Variants in TSPAN5 observed in about 807,000 individuals in gnomAD.
The protein encoded by TSPAN5 is tetraspanin-5.
In TSPAN5, 10 loss-of-function variants were observed where a neutral mutation model predicts 37.1. The ratio of observed to expected loss-of-function variants is 0.27; its 90% CI spans 0.17 to 0.46. The LOEUF is 0.46. Ranked by LOEUF, TSPAN5 falls within the 20% of genes least tolerant of loss-of-function variation. TSPAN5 has a pLI of 1.00. For missense variants in TSPAN5, 195 were observed against 326.6 expected (o/e 0.60, Z 3.11); for synonymous variants, 110 against 118.9 (o/e 0.93, Z 0.48).
At chr4:98,544,935 C>G (rs77617376) in intron 1 of TSPAN5, among the ~76,000 whole-genome samples, 2 of 152,288 alleles carry the variant, frequency 1.3e-5, no homozygotes, top group African/African-American at 4.8e-5. Flanking sequence ...TGATGGGCAT[C>G]TGCTGAGATG....
At chr4:98,652,409 T>C (rs1175740434) in intron 1 of TSPAN5, among the ~76,000 whole-genome samples, 1 of 152,252 alleles carries the variant, frequency 6.6e-6, no homozygotes, top group African/African-American at 2.4e-5. Flanking sequence ...ACCATATTCT[T>C]GAAGAACATT....
chr4:98,506,013 G>C (rs796336949), intron 2 of TSPAN5, among the ~76,000 whole-genome samples: 13 of 152,310 alleles, frequency 8.5e-5, no homozygotes, highest in African/African-American at 3.1e-4. Context: ...TATCAGAGAA[G>C]AGACATTTGA....
At chr4:98,568,368 C>T (rs1755053070) in intron 1 of TSPAN5, among the ~76,000 whole-genome samples, 1 of 152,154 alleles carries the variant, frequency 6.6e-6, no homozygotes, top group Non-Finnish European at 1.5e-5. Context: ...AGGTGAAACC[C>T]TATCTCTACT....
intron 1 of TSPAN5, among the ~76,000 whole-genome samples, chr4:98,631,049 C>T (rs1756734742): frequency 6.6e-6 from 1 of 152,100 alleles, no homozygotes; most frequent in South Asian, 2.1e-4. Context: ...CACAAGATGC[C>T]AGAACTTGAA....
At chr4:98,566,365 G>A (rs1369857636) in intron 1 of TSPAN5, among the ~76,000 whole-genome samples, 15 of 151,918 alleles carry the variant, frequency 9.9e-5, no homozygotes, top group Non-Finnish European at 5.9e-5. Flanking sequence ...GTGGGGAAAT[G>A]AGGGATGCAT....
chr4:98,635,251 C>T lies in TSPAN5; in HGVS notation c.81+22895G>A, dbSNP rs567893120. On this transcript the variant is annotated intron_variant, in intron 1 of 7. Transcript: ENST00000305798. ...TTCCAGAAGCCAGGCCCTGGCAAAG[C>T]TTGGGATAAAACCCCCTTAAGGTCC... Among the ~76,000 whole-genome samples, 34 of 152,318 alleles carry T rather than the reference C, an allele frequency of 2.2e-4. 1 individual carries two copies. In the South Asian group the frequency reaches 4.3e-3, roughly 19 times the overall value.
intron 1 of TSPAN5, among the ~76,000 whole-genome samples, chr4:98,577,534 G>A (rs1162910513): frequency 6.6e-6 from 1 of 152,172 alleles, no homozygotes; most frequent in East Asian, 1.9e-4. Context: ...AACTTTACCT[G>A]TGGTACCTAT....
intron 4 of TSPAN5, among the ~76,000 whole-genome samples, chr4:98,480,500 G>C (rs1047782647): frequency 6.6e-6 from 1 of 152,174 alleles, no homozygotes; most frequent in African/African-American, 2.4e-5. Flanking sequence ...ACTTCCCTGG[G>C]ATGCACTTTC....
chr4:98,513,822 T>C (rs942669448), intron 1 of TSPAN5, among the ~76,000 whole-genome samples: 2 of 152,062 alleles, frequency 1.3e-5, no homozygotes, highest in Non-Finnish European at 2.9e-5. Flanking sequence ...AATATACATA[T>C]ATTTCCAACA....
chr4:98,503,794 A>G (rs1753411259), intron 2 of TSPAN5, among the ~76,000 whole-genome samples: 1 of 152,238 alleles, frequency 6.6e-6, no homozygotes, highest in Admixed American at 6.5e-5. Flanking sequence ...AGCCCTGCCC[A>G]TGCTATGTGC....
intron 2 of TSPAN5, among the ~76,000 whole-genome samples, chr4:98,491,727 C>G (rs1417987027): frequency 1.3e-5 from 2 of 150,712 alleles, no homozygotes; most frequent in Admixed American, 6.6e-5. Flanking sequence ...ATCCTGACAA[C>G]AGTGATTTGG....
chr4:98,574,783 C>G (rs1050937458), intron 1 of TSPAN5: 1 of 152,294 alleles, frequency 6.6e-6, no homozygotes, highest in African/African-American at 2.4e-5. Flanking sequence ...ACCTGATCCC[C>G]AACAGACACA....
chr4:98,610,106 G>T (rs1756145705), intron 1 of TSPAN5, among the ~76,000 whole-genome samples: 1 of 152,196 alleles, frequency 6.6e-6, no homozygotes, highest in African/African-American at 2.4e-5. Context: ...CCACAGACTG[G>T]GTAATTTGTA....
At chr4:98,543,112 C>T (rs1202534041) in intron 1 of TSPAN5, among the ~76,000 whole-genome samples, 1 of 152,148 alleles carries the variant, frequency 6.6e-6, no homozygotes, top group South Asian at 2.1e-4. Context: ...CAATATACTA[C>T]TTCAAAATCG....
At chr4:98,626,160 T>C (rs139295366) in intron 1 of TSPAN5, among the ~76,000 whole-genome samples, 1 of 147,354 alleles carries the variant, frequency 6.8e-6, no homozygotes, top group African/African-American at 2.4e-5. Context: ...TCTGCATCAC[T>C]CACGAACAGC....
intron 1 of TSPAN5, among the ~76,000 whole-genome samples, chr4:98,591,110 AT>A (rs1755624407): frequency 7.7e-6 from 1 of 129,454 alleles, no homozygotes; most frequent in South Asian, 2.4e-4. Context: ...AACTGCTTTT[AT>A]TTACAGACAT....
At chr4:98,527,946 G>A (rs1413628243) in intron 1 of TSPAN5, among the ~76,000 whole-genome samples, 1 of 152,164 alleles carries the variant, frequency 6.6e-6, no homozygotes, top group Admixed American at 6.5e-5. Context: ...AAATATCTGG[G>A]TATTGAGCAA....
At chr4:98,633,472 G>T (rs1462585020) in intron 1 of TSPAN5, among the ~76,000 whole-genome samples, 1 of 152,186 alleles carries the variant, frequency 6.6e-6, no homozygotes, top group Non-Finnish European at 1.5e-5. Context: ...AGTTTGCCTT[G>T]AGTGTACAGA....
intron 1 of TSPAN5, among the ~76,000 whole-genome samples, chr4:98,514,667 G>A (rs1431521325): frequency 6.6e-6 from 1 of 152,164 alleles, no homozygotes; most frequent in African/African-American, 2.4e-5. Context: ...AGTGTGGCCC[G>A]AGTGCACTCT....
Sources: allele counts gnomAD v4.1 joint callset (sites outside exome capture counted in the v4.1 genomes callset), GRCh38; gene constraint gnomAD v4.1.1; transcripts MANE v1.5; gene names NCBI Gene and HGNC (gene_info 2026-07-23, HGNC 2026-07-21).